PPM1A: variants seen among roughly 807,000 people sequenced by gnomAD.
The protein encoded by PPM1A is protein phosphatase 1A.
In PPM1A, 7 loss-of-function variants were observed where a neutral mutation model predicts 35.0. The observed-to-expected ratio is 0.20, with a 90% CI of 0.11 to 0.38. The LOEUF (loss-of-function observed/expected upper bound fraction) is 0.38. Among genes scored for constraint, PPM1A ranks in the 10% least tolerant of loss-of-function variants. PPM1A has a pLI of 1.00. For missense variants in PPM1A, 239 were observed against 467.8 expected, an observed-to-expected ratio of 0.51 and a Z score of 4.51; for synonymous variants, 153 against 167.3, an observed-to-expected ratio of 0.91 and a Z score of 0.66.
chr14:60,282,192 T>G lies in PPM1A; in HGVS notation c.-20-492T>G, dbSNP rs7151088. 0.017 allele frequency among the ~76,000 whole-genome samples: 2,518 copies of G among 152,318 alleles called. 68 individuals are homozygous for G. The highest frequency in any genetic ancestry group is 0.057 in the African/African-American group (2,385 of 41,552). On this transcript the variant is annotated intron_variant, in intron 1 of 5. Transcript: ENST00000395076. The surrounding 1 kb of genome is among the most constrained non-coding windows in gnomAD (Gnocchi z 5.1). ...TGGAGCATTGTGAGTAGATTATTTTTTAGTTTTTCAGAGTTCATGCAGTGG... is the reference window on the plus strand; with the variant it reads ...TGGAGCATTGTGAGTAGATTATTTTGTAGTTTTTCAGAGTTCATGCAGTGG...
upstream of PPM1A, chr14:60,249,158 G>C: frequency 1.1e-6 from 1 of 896,578 alleles, no homozygotes; most frequent in Non-Finnish European, 1.3e-6. This position sits in a 1 kb window ranked among gnomAD's most constrained non-coding sequence, Gnocchi z 4.5. Flanking sequence ...CAGCGGGGCG[G>C]GGCGAGCGGA....
In PPM1A at chr14:60,296,837, T is replaced by G; in HGVS notation, c.*4355T>G. ...ATGAGAGGCATTGGTTCCAATTCAT[T>G]GTCAAATGAACGTTTTCTAATTTTG... On this transcript the variant is annotated 3_prime_UTR_variant, in exon 6 of 6. Transcript: ENST00000395076. The surrounding 1 kb of genome is among the most constrained non-coding windows in gnomAD (Gnocchi z 4.4). The G allele has an allele frequency of 3.2e-6, 1 of 316,298 alleles. No individual in the cohort carries two copies. Among genetic ancestry groups the G allele is most frequent in the Non-Finnish European group, 5.8e-6 (1 of 170,944 alleles). The allele number at this position is 316,298 out of a possible 1,614,324, so 19.6% of individuals were successfully genotyped here. A position where few individuals can be genotyped will look rare whatever the true frequency, so the allele number is the denominator to read the frequency against.
intron 1 of PPM1A, among the ~76,000 whole-genome samples, chr14:60,276,081 A>C (rs1885722682): frequency 1.3e-5 from 2 of 151,952 alleles, no homozygotes; most frequent in Non-Finnish European, 2.9e-5. Context: ...ATTGCTTAAT[A>C]CTCTATTGTT....
chr14:60,272,743 A>G (rs1202653024), intron 1 of PPM1A, among the ~76,000 whole-genome samples: 7 of 150,446 alleles, frequency 4.7e-5, no homozygotes, highest in African/African-American at 1.5e-4. Flanking sequence ...GTGTACACTC[A>G]GATGCTCTTT....
intron 1 of PPM1A, chr14:60,277,115 AAACT>A (rs140425117): frequency 0.021 from 21,462 of 1,030,358 alleles, 270 homozygotes; most frequent in Non-Finnish European, 0.023. Context: ...TTTCTCTCAG[AAACT>A]AACTAAAAAC....
intron 1 of PPM1A, among the ~76,000 whole-genome samples, chr14:60,255,176 TTTGTTTTG>T (rs1473740497): frequency 9.7e-5 from 6 of 62,126 alleles, no homozygotes; most frequent in African/African-American, 3.6e-4. Context: ...TTTTTTTTGT[TTTGTTTTG>T]TTTTTGAGAC....
rs1292412482 is a variant in PPM1A at position 60,289,060 on chromosome 14, T to A, written c.953-746T>A. Among the ~76,000 whole-genome samples the A allele has an allele frequency of 6.6e-6, 1 of 152,142 alleles. No individual in the cohort carries two copies. Among genetic ancestry groups the A allele is most frequent in the Non-Finnish European group, 1.5e-5 (1 of 67,968 alleles). ...CTGCAGATCATATTGCTGTGCCCTT[T>A]TAATAACTGGATATTTTAAAATTAT... On this transcript the variant is annotated intron_variant, in intron 3 of 5. Transcript: ENST00000395076. The surrounding 1 kb of genome is among the most constrained non-coding windows in gnomAD (Gnocchi z 4.1).
rs750913302 is a variant in PPM1A at position 60,282,835 on chromosome 14, C to T, written c.132C>T (p.Ile44=). The T allele has an allele frequency of 8.5e-5, 138 of 1,614,172 alleles. No homozygotes were observed. The highest frequency in any genetic ancestry group is 9.2e-5 in the Non-Finnish European group (109 of 1,180,032). The part of the protein sequence containing the change: ...VEMEDAHTAV[I]GLPSGLESWS... The stretch of plus-strand genomic sequence containing the variant: ...TGGAGGATGCACATACGGCTGTGAT[C>T]GGTTTGCCAAGTGGACTTGAATCGT... The change falls in exon 2 of 6, where the codon ATC becomes ATT. Residue 44 remains isoleucine (I), a synonymous_variant. Transcript: ENST00000395076. This position sits in a 1 kb window ranked among gnomAD's most constrained non-coding sequence, Gnocchi z 5.1.
chr14:60,289,214 G>A lies in PPM1A; in HGVS notation c.953-592G>A, dbSNP rs75457092. On this transcript the variant is annotated intron_variant, in intron 3 of 5. Coordinates refer to ENST00000395076, the MANE Select transcript of PPM1A (RefSeq NM_021003.5). The surrounding 1 kb of genome is among the most constrained non-coding windows in gnomAD (Gnocchi z 4.1). Reference sequence around the variant, plus strand: ...GGAAATGGTATTATATATCTATACAGTATATTGTTTAAAGGTACTTTAGAG... The same window carrying A: ...GGAAATGGTATTATATATCTATACAATATATTGTTTAAAGGTACTTTAGAG... Among the ~76,000 whole-genome samples, 836 of 152,174 alleles carry A rather than the reference G, an allele frequency of 5.5e-3. 16 individuals are homozygous for A. The highest frequency in any genetic ancestry group is 0.019 in the African/African-American group (787 of 41,532).
chr14:60,255,563 G>A (rs1883017442), intron 1 of PPM1A, among the ~76,000 whole-genome samples: 1 of 152,176 alleles, frequency 6.6e-6, no homozygotes, highest in African/African-American at 2.4e-5. Context: ...TTTACACAAA[G>A]GCTAGCGGCT....
rs1887693294 is a variant in PPM1A, at chr14:60,292,151, T to G, written c.1120-302T>G. 6.6e-6 allele frequency among the ~76,000 whole-genome samples: 1 copy of G among 152,156 alleles called. No homozygotes were observed. Among genetic ancestry groups the G allele is most frequent in the South Asian group, 2.1e-4 (1 of 4,830 alleles). On this transcript the variant is annotated intron_variant, in intron 5 of 5. Transcript: ENST00000395076. This position sits in a 1 kb window ranked among gnomAD's most constrained non-coding sequence, Gnocchi z 4.2. ...TAAAAGTGGTATTCTAAAACTGTAT[T>G]GGATTTCATTAAAAAATTCTTTTTA...
chr14:60,254,805 A>G (rs1882860129), intron 1 of PPM1A, among the ~76,000 whole-genome samples: 1 of 152,162 alleles, frequency 6.6e-6, no homozygotes, highest in African/African-American at 2.4e-5. Flanking sequence ...GTTTTTCATT[A>G]TATCATTTCT....
chr14:60,256,891 G>A (rs888013787), intron 1 of PPM1A: 1 of 152,086 alleles, frequency 6.6e-6, no homozygotes, highest in Non-Finnish European at 1.5e-5. Flanking sequence ...CATTGTGATG[G>A]GTCAAAATCT....
At chr14:60,249,023 G>A (rs368543243), upstream of PPM1A, among the ~76,000 whole-genome samples, 1 of 152,116 alleles carries the variant, frequency 6.6e-6, no homozygotes, top group Non-Finnish European at 1.5e-5. The surrounding 1 kb of genome is among the most constrained non-coding windows in gnomAD (Gnocchi z 4.5). Flanking sequence ...AAGAAGCTGG[G>A]TAAGGCAGTG....
At position 60,293,610 on chromosome 14, in the gene PPM1A, G is replaced by A. The variant is rs2139605494; in HGVS notation, c.*1128G>A. ...TTAAGATGTGTATCAGCTTGGATTTGCCTACTGTTTAATTAAAATATTTAT... is the reference window on the plus strand; with the variant it reads ...TTAAGATGTGTATCAGCTTGGATTTACCTACTGTTTAATTAAAATATTTAT... On this transcript the variant is annotated 3_prime_UTR_variant, in exon 6 of 6. Transcript: ENST00000395076. The surrounding 1 kb of genome is among the most constrained non-coding windows in gnomAD (Gnocchi z 4.0). The A allele has an allele frequency of 6.6e-6, 1 of 151,942 alleles. No homozygotes were observed. Among genetic ancestry groups the A allele is most frequent in the South Asian group, 2.1e-4 (1 of 4,818 alleles). 9.4% of individuals were successfully genotyped at this position (151,942 alleles called of 1,614,324 possible).
At chr14:60,248,822 TGGCCAAGGGCCGGCA>T (rs1881966627), upstream of PPM1A, 1 of 152,540 alleles carries the variant, frequency 6.6e-6, no homozygotes, top group Admixed American at 6.5e-5. Flanking sequence ...AGTCCCTACT[TGGCCAAGGGCCGGCA>T]CGGAGGGGCT....
chr14:60,274,533 G>A (rs1254769399), intron 1 of PPM1A, among the ~76,000 whole-genome samples: 1 of 151,404 alleles, frequency 6.6e-6, no homozygotes, highest in Non-Finnish European at 1.5e-5. Context: ...TAACATTCCT[G>A]AAAAAACTGT....
chr14:60,283,591 ACTC>A lies in PPM1A; in HGVS notation c.834+55_834+57del, dbSNP rs1435565189. 6.7e-7 allele frequency: 1 copy of A among 1,498,942 alleles called. No individual in the cohort carries two copies. Among genetic ancestry groups the A allele is most frequent in the Non-Finnish European group, 8.9e-7 (1 of 1,119,498 alleles). 92.9% of individuals were successfully genotyped at this position (1,498,942 alleles called of 1,614,324 possible). The stretch of plus-strand genomic sequence containing the variant: ...ATGATTTTATGCCATATTAATCACT[ACTC>A]TAGTATTTAATCATCTTAGAATCTG... On this transcript the variant is annotated intron_variant, in intron 2 of 5. Coordinates refer to ENST00000395076, the MANE Select transcript of PPM1A (RefSeq NM_021003.5). This position sits in a 1 kb window ranked among gnomAD's most constrained non-coding sequence, Gnocchi z 6.3.
rs1274317904 is a variant in PPM1A, at chr14:60,294,601, G to C, written c.*2119G>C. 1 of 151,710 alleles carries C rather than the reference G, an allele frequency of 6.6e-6. No homozygotes were observed. Among genetic ancestry groups the C allele is most frequent in the Non-Finnish European group, 1.5e-5 (1 of 67,788 alleles). The allele number at this position is 151,710 out of a possible 1,614,324, so 9.4% of individuals were successfully genotyped here. On this transcript the variant is annotated 3_prime_UTR_variant, in exon 6 of 6. Coordinates refer to ENST00000395076, the MANE Select transcript of PPM1A (RefSeq NM_021003.5). Reference sequence around the variant, plus strand: ...AAGTAGACTGACAACTTTAGTTCCAGAAATTGCAAAACTTTGAACTGGACT... The same window carrying C: ...AAGTAGACTGACAACTTTAGTTCCACAAATTGCAAAACTTTGAACTGGACT...
Sources: gnomAD v4.1 joint callset for allele counts (sites outside exome capture counted in the v4.1 genomes callset) on GRCh38, gnomAD v4.1.1 for gene constraint, Gnocchi (gnomAD v3.1) non-coding constraint, MANE v1.5 for transcripts, NCBI Gene and HGNC (gene_info 2026-07-23, HGNC 2026-07-21) for gene names.